Variants in WDR70 observed in about 807,000 individuals in gnomAD.
The protein encoded by WDR70 is WD repeat-containing protein 70.
In WDR70, 53 loss-of-function variants were observed where a neutral mutation model predicts 88.6. The observed-to-expected ratio is 0.60, with a 90% CI of 0.48 to 0.75. The LOEUF (loss-of-function observed/expected upper bound fraction) is 0.75, where lower values mean the gene tolerates loss of function less well. Among genes scored for constraint, WDR70 ranks in the 30% least tolerant of loss-of-function variants. The pLI, the probability that WDR70 is intolerant of heterozygous loss-of-function variation, is 0.00. For synonymous variants in WDR70, 280 were observed against 270.0 expected, an observed-to-expected ratio of 1.04 and a Z score of -0.36; for missense variants, 610 against 823.2, an observed-to-expected ratio of 0.74 and a Z score of 3.17.
intron 10 of WDR70, among the ~76,000 whole-genome samples, chr5:37,686,322 G>GA (rs754985606): frequency 0.015 from 2,209 of 146,414 alleles, 24 homozygotes; most frequent in Middle Eastern, 0.024. Flanking sequence ...CTCACAAAGG[G>GA]AAAAAAAAAA....
At chr5:37,401,241 C>A (rs944534789) in intron 5 of WDR70, among the ~76,000 whole-genome samples, 2 of 137,746 alleles carry the variant, frequency 1.5e-5, no homozygotes, top group Admixed American at 1.6e-4. Context: ...AACTCCTGGG[C>A]TCAAGTGATC....
At chr5:37,381,091 G>T (rs752997571) in intron 2 of WDR70, among the ~76,000 whole-genome samples, 5 of 152,186 alleles carry the variant, frequency 3.3e-5, no homozygotes, top group Admixed American at 1.3e-4. Context: ...TTCCTTGTTA[G>T]AGGGCTGAGA....
intron 10 of WDR70, among the ~76,000 whole-genome samples, chr5:37,665,893 C>T (rs754380437): frequency 7.9e-5 from 12 of 152,208 alleles, no homozygotes; most frequent in Admixed American, 3.9e-4. Flanking sequence ...CCACTGGGCC[C>T]GCCACCCTCT....
intron 5 of WDR70, among the ~76,000 whole-genome samples, chr5:37,410,694 G>A (rs1029798724): frequency 6.6e-6 from 1 of 152,046 alleles, no homozygotes; most frequent in African/African-American, 2.4e-5. Context: ...GTACATATTT[G>A]TTAAATGGAA....
At chr5:37,531,040 T>C (rs537376371) in intron 9 of WDR70, among the ~76,000 whole-genome samples, 1 of 152,296 alleles carries the variant, frequency 6.6e-6, no homozygotes, top group African/African-American at 2.4e-5. Context: ...CATCTTGATT[T>C]CATTGTTGAC....
chr5:37,396,450 T>C lies in WDR70; in HGVS notation c.372T>C (p.Pro124=). The C allele has an allele frequency of 6.2e-7, 1 of 1,613,972 alleles. No homozygotes were observed. The highest frequency in any genetic ancestry group is 8.5e-7 in the Non-Finnish European group (1 of 1,179,990). The change falls in exon 5 of 18, where the codon CCT becomes CCC. Residue 124 remains proline, a synonymous_variant. Coordinates refer to ENST00000265107, the MANE Select transcript of WDR70 (RefSeq NM_018034.4). ...DDELIGPPLP[P]KMVGKPVNFM... is the part of the protein sequence containing the mutation. ...AGTTAATTGGCCCTCCTTTACCCCCTAAAATGGTAGGAAAACCAGTTAATT... is the reference window on the plus strand; with the variant it reads ...AGTTAATTGGCCCTCCTTTACCCCCCAAAATGGTAGGAAAACCAGTTAATT...
At chr5:37,657,004 C>T (rs1745573418) in intron 10 of WDR70, among the ~76,000 whole-genome samples, 2 of 152,158 alleles carry the variant, frequency 1.3e-5, no homozygotes, top group Admixed American at 6.5e-5. Context: ...AGGGAGTGAA[C>T]GGTTCTGTCT....
intron 10 of WDR70, among the ~76,000 whole-genome samples, chr5:37,694,329 C>A (rs1746912582): frequency 6.6e-6 from 1 of 152,238 alleles, no homozygotes; most frequent in Non-Finnish European, 1.5e-5. Context: ...ACCATTTGAC[C>A]CAGCCATCCC....
chr5:37,486,021 A>G (rs1158691596), intron 8 of WDR70, among the ~76,000 whole-genome samples: 2 of 151,844 alleles, frequency 1.3e-5, no homozygotes, highest in East Asian at 3.9e-4. Flanking sequence ...GGCCAACAAT[A>G]TATATTAAAT....
At chr5:37,647,165 C>T (rs1452493673) in intron 10 of WDR70, among the ~76,000 whole-genome samples, 1 of 152,132 alleles carries the variant, frequency 6.6e-6, no homozygotes, top group African/African-American at 2.4e-5. Context: ...CTGATGCATT[C>T]TTTAGCATGT....
intron 3 of WDR70, among the ~76,000 whole-genome samples, chr5:37,390,591 C>T (rs1448144705): frequency 4.6e-5 from 7 of 151,780 alleles, no homozygotes; most frequent in Admixed American, 1.3e-4. Context: ...CCGCCTGTCT[C>T]GGCCTCCCAA....
rs532446192 is a variant in WDR70 at position 37,649,989 on chromosome 5, T to G, written c.1092+44751T>G. On this transcript the variant is annotated intron_variant, in intron 10 of 17. Coordinates refer to ENST00000265107, the MANE Select transcript of WDR70 (RefSeq NM_018034.4). ...CCTGACCTCATGATCCACCCGCCTC[T>G]GCCTCCCAAAGTGCTGGGATTACAG... 4.6e-3 allele frequency among the ~76,000 whole-genome samples: 664 copies of G among 144,996 alleles called. 5 individuals are homozygous for G. The highest frequency in any genetic ancestry group is 0.015 in the African/African-American group (611 of 39,624).
chr5:37,590,149 T>C (rs945796984), intron 9 of WDR70, among the ~76,000 whole-genome samples: 19 of 152,342 alleles, frequency 1.2e-4, no homozygotes, highest in African/African-American at 4.3e-4. Flanking sequence ...TCAGCTATAC[T>C]GATTACAGCT....
At chr5:37,447,205 C>T (rs1302974816) in intron 7 of WDR70, among the ~76,000 whole-genome samples, 2 of 152,182 alleles carry the variant, frequency 1.3e-5, no homozygotes, top group Non-Finnish European at 2.9e-5. Flanking sequence ...CATCATTGGC[C>T]ATTAGAGAAA....
chr5:37,702,066 T>C (rs1263332735), intron 12 of WDR70, among the ~76,000 whole-genome samples: 1 of 152,118 alleles, frequency 6.6e-6, no homozygotes, highest in Admixed American at 6.6e-5. Flanking sequence ...TTGTTCTATT[T>C]TGGTAGAAAT....
intron 17 of WDR70, among the ~76,000 whole-genome samples, chr5:37,738,293 C>T (rs560389481): frequency 2.0e-5 from 3 of 152,232 alleles, no homozygotes; most frequent in African/African-American, 7.2e-5. Flanking sequence ...GCCAAAAAAG[C>T]TTGTGGTTTA....
intron 13 of WDR70, among the ~76,000 whole-genome samples, chr5:37,720,158 A>G (rs969597429): frequency 4.6e-5 from 7 of 152,128 alleles, no homozygotes; most frequent in African/African-American, 1.7e-4. Context: ...TACCACTAGA[A>G]CTATAAAATG....
At chr5:37,634,807 C>T (rs1284012233) in intron 10 of WDR70, among the ~76,000 whole-genome samples, 2 of 152,158 alleles carry the variant, frequency 1.3e-5, no homozygotes, top group African/African-American at 2.4e-5. Flanking sequence ...ACCCAGGCTA[C>T]CTGTCAAGGT....
chr5:37,434,456 G>T (rs75732361), intron 5 of WDR70, among the ~76,000 whole-genome samples: 4 of 152,108 alleles, frequency 2.6e-5, no homozygotes, highest in African/African-American at 9.7e-5. Flanking sequence ...TGATTTCTGC[G>T]AGAAAATAGC....
Sources: gnomAD v4.1 joint callset for allele counts (sites outside exome capture counted in the v4.1 genomes callset) on GRCh38, gnomAD v4.1.1 for gene constraint, MANE v1.5 for transcripts, NCBI Gene and HGNC (gene_info 2026-07-23, HGNC 2026-07-21) for gene names.